COMP: variants seen among roughly 807,000 people sequenced by gnomAD.
COMP encodes cartilage oligomeric matrix protein.
Under a neutral mutation model 95.8 loss-of-function variants are expected in COMP, and 79 were observed. The observed-to-expected ratio is 0.82, with a 90% confidence interval of 0.69 to 0.99. COMP has a LOEUF of 0.99. Ranked by LOEUF, COMP falls within the 50% of genes least tolerant of loss-of-function variation. The pLI is 0.00. For missense variants in COMP, 906 were observed against 1,076.1 expected (o/e 0.84, Z 2.21); for synonymous variants, 438 against 433.9 (o/e 1.01, Z -0.12).
chr19:18,785,913 C>T, intron 13 of COMP, 52 bp downstream of exon 13: 1 of 1,600,282 alleles, frequency 6.2e-7, no homozygotes, highest in East Asian at 2.2e-5. Flanking sequence ...AGACCCCGCG[C>T]CAGGAGCCCC....
chr19:18,790,532 T>C (rs1231904527), intron 3 of COMP, 30 bp downstream of exon 3: 1 of 1,612,964 alleles, frequency 6.2e-7, no homozygotes, highest in East Asian at 2.2e-5. Flanking sequence ...TCCCGTCTCT[T>C]CTCTCTCCCG....
In COMP at chr19:18,787,388, A is replaced by AC; in HGVS notation, c.1135+102dup. On this transcript the variant is annotated intron_variant, in intron 10 of 18. Coordinates refer to ENST00000222271, the MANE Select transcript of COMP (RefSeq NM_000095.3). Reference sequence around the variant, plus strand: ...GGTCCAGGGCGCCCTAGTCCAGCTTACCCCATCCGGCTTCCAAAACCAGCC... The same window carrying AC: ...GGTCCAGGGCGCCCTAGTCCAGCTTACCCCCATCCGGCTTCCAAAACCAGCC... The AC allele has an allele frequency of 1.9e-6, 3 of 1,544,524 alleles. No homozygotes were observed. The South Asian group carries it at 3.4e-5, about 17-fold the overall frequency.
rs1466643646 is a variant in COMP, at chr19:18,783,056, T to A, written c.2225A>T (p.Asn742Ile). ...CGGCCCGCTGGCCCTCGGCTCACCA[T>A]TGCAGCGGTAACGCAGGTTGGCCCA... ...IIWANLRYRCNDTIPEDYETH... is the reference protein window; with the variant it reads ...IIWANLRYRCIDTIPEDYETH... Residue 742 changes from asparagine (N) to isoleucine (I), a missense_variant and splice_region_variant, in exon 18 of 19, where the codon AAT becomes ATT. Transcript: ENST00000222271. 1.2e-6 allele frequency: 2 copies of A among 1,612,280 alleles called. No homozygotes were observed. The highest frequency in any genetic ancestry group is 4.5e-5 in the East Asian group (2 of 44,886).
rs1350652048 is a variant in COMP, at chr19:18,783,325, G to A, written c.2088-132C>T. 23 of 1,307,172 alleles carry A rather than the reference G, an allele frequency of 1.8e-5. No homozygotes were observed. In the Admixed American group the frequency reaches 2.8e-4, roughly 16 times the overall value. 81.0% of individuals were successfully genotyped at this position (1,307,172 alleles called of 1,614,324 possible). ...GGGAGCAAGTGAGGCCTCTGCCTTG[G>A]GCCTCAGTTTCCTGGTGTGGTGGAC... On this transcript the variant is annotated intron_variant, in intron 17 of 18. Transcript: ENST00000222271.
chr19:18,790,917 T>C lies in COMP; in HGVS notation c.98A>G (p.Gln33Arg). 2 of 1,565,002 alleles carry C rather than the reference T, an allele frequency of 1.3e-6. No homozygotes were observed. The highest frequency in any genetic ancestry group is 1.7e-6 in the Non-Finnish European group (2 of 1,155,640). Residue 33 changes from glutamine to arginine, a missense_variant, in exon 2 of 19, where the codon CAG becomes CGG. Transcript: ENST00000222271. ...GGTTTCCTGCAGTTCCCGAAGCATC[T>C]GCGGGCCCAGGTCTGAGCCTGCGGC... is the stretch of plus-strand genomic sequence containing the variant. Reference protein sequence around the residue: ...QSPLGSDLGPQMLRELQETNA... With the variant: ...QSPLGSDLGPRMLRELQETNA...
At chr19:18,790,449 G>T in intron 3 of COMP, 113 bp downstream of exon 3, 2 of 1,354,210 alleles carry the variant, frequency 1.5e-6, no homozygotes, top group African/African-American at 1.4e-5. Context: ...CTCTCCGTCA[G>T]CCTCCATCTC....
Position 18,785,971 on chromosome 19 carries a change from C to A in COMP, c.1483G>T (p.Ala495Ser). 1 of 1,609,776 alleles carries A rather than the reference C, an allele frequency of 6.2e-7. No individual in the cohort carries two copies. Among genetic ancestry groups the A allele is most frequent in the Non-Finnish European group, 8.5e-7 (1 of 1,179,150 alleles). The stretch of plus-strand genomic sequence containing the variant: ...GGCCCCGCCCCCGCCGTACTGTCCG[C>A]GTCCTCCTGGCCGGGGTTAGGCACC... ...RLVPNPGQED[A>S]DRDGVGDVCQ... Residue 495 changes from alanine (A) to serine (S), a missense_variant, in exon 13 of 19, where the codon GCG (alanine) becomes TCG (serine). Coordinates refer to ENST00000222271, the MANE Select transcript of COMP (RefSeq NM_000095.3).
intron 2 of COMP, 94 bp from the exon 3 acceptor site, chr19:18,790,707 T>C: frequency 6.2e-7 from 1 of 1,611,904 alleles, no homozygotes; most frequent in Non-Finnish European, 8.5e-7. Context: ...CTACAGCCTC[T>C]TTTCGCCAAG....
intron 11 of COMP, 113 bp downstream of exon 11, chr19:18,786,419 G>T: frequency 5.2e-6 from 8 of 1,531,908 alleles, no homozygotes; most frequent in Middle Eastern, 1.7e-4. Flanking sequence ...TGCTCGGACC[G>T]AGAGGTCATT....
Position 18,788,256 on chromosome 19 carries a change from C to G in COMP, c.931G>C (p.Ala311Pro). ...EDVDRDGIGD[A>P]CDPDADGDGV... is the part of the protein sequence containing the mutation. Reference sequence around the variant, plus strand: ...TCCCCGTCGGCATCCGGATCGCAGGCGTCTCCGATGCCATCGCGGTCCACA... The same window carrying G: ...TCCCCGTCGGCATCCGGATCGCAGGGGTCTCCGATGCCATCGCGGTCCACA... Residue 311 changes from alanine to proline, a missense_variant, in exon 9 of 19, where the codon GCC (alanine) becomes CCC (proline). By Grantham distance (27) the Ala-to-Pro change is conservative. Transcript: ENST00000222271. The surrounding 1 kb of genome is among the most constrained non-coding windows in gnomAD (Gnocchi z 4.7). 2 of 1,613,270 alleles carry G rather than the reference C, an allele frequency of 1.2e-6. No individual in the cohort carries two copies. Among genetic ancestry groups the G allele is most frequent in the Non-Finnish European group, 1.7e-6 (2 of 1,180,026 alleles).
chr19:18,787,074 A>C (rs1017023354), intron 10 of COMP: 1 of 359,278 alleles, frequency 2.8e-6, no homozygotes, highest in Non-Finnish European at 5.2e-6. Flanking sequence ...TCCGGCCCAC[A>C]GGAACTTTAA....
At position 18,789,096 on chromosome 19, in the gene COMP, C is replaced by T; in HGVS notation, c.528+64G>A. 6.4e-7 allele frequency: 1 copy of T among 1,566,556 alleles called. No homozygotes were observed. Among genetic ancestry groups the T allele is most frequent in the Non-Finnish European group, 8.6e-7 (1 of 1,159,440 alleles). On this transcript the variant is annotated intron_variant, in intron 5 of 18. Transcript: ENST00000222271. This position sits in a 1 kb window ranked among gnomAD's most constrained non-coding sequence, Gnocchi z 6.1. Reference sequence around the variant, plus strand: ...GGAAGGAGGCTGGAAGAGGAGTTTACTGGTAAACAAAATGGACGCCCCCTT... The same window carrying T: ...GGAAGGAGGCTGGAAGAGGAGTTTATTGGTAAACAAAATGGACGCCCCCTT...
chr19:18,789,086 G>C lies in COMP; in HGVS notation c.528+74C>G. Reference sequence around the variant, plus strand: ...CCCTCCCGCTGGAAGGAGGCTGGAAGAGGAGTTTACTGGTAAACAAAATGG... The same window carrying C: ...CCCTCCCGCTGGAAGGAGGCTGGAACAGGAGTTTACTGGTAAACAAAATGG... On this transcript the variant is annotated intron_variant, in intron 5 of 18. Coordinates refer to ENST00000222271, the MANE Select transcript of COMP (RefSeq NM_000095.3). This position sits in a 1 kb window ranked among gnomAD's most constrained non-coding sequence, Gnocchi z 6.1. 6.4e-7 allele frequency: 1 copy of C among 1,564,238 alleles called. No individual in the cohort carries two copies.
At chr19:18,785,433 C>T in intron 15 of COMP, 65 bp downstream of exon 15, 21 of 1,601,038 alleles carry the variant, frequency 1.3e-5, no homozygotes, top group Non-Finnish European at 1.7e-5. Flanking sequence ...CCGGGCCTGC[C>T]CCTTCTCTGG....
intron 17 of COMP, among the ~76,000 whole-genome samples, chr19:18,783,766 C>T (rs868665434): frequency 1.3e-5 from 2 of 152,162 alleles, no homozygotes; most frequent in Admixed American, 1.3e-4. Flanking sequence ...CCCGCCACCA[C>T]ACCTGGCTAA....
At chr19:18,783,317 CT>C (rs1338714944) in intron 17 of COMP, 124 bp from the exon 18 acceptor site, 1 of 1,345,012 alleles carries the variant, frequency 7.4e-7, no homozygotes, top group East Asian at 2.5e-5. Flanking sequence ...AGTGAGGCCT[CT>C]GCCTTGGGCC....
rs1254602615 is a variant in COMP at position 18,788,535 on chromosome 19, G to A, written c.763-21C>T. ...GCACACTGTGGGAGAGTGTAAGTGGGTGCCCTGGAGTGGCCGCCACCCAAC... is the reference window on the plus strand; with the variant it reads ...GCACACTGTGGGAGAGTGTAAGTGGATGCCCTGGAGTGGCCGCCACCCAAC... On this transcript the variant is annotated intron_variant, in intron 7 of 18. Coordinates refer to ENST00000222271, the MANE Select transcript of COMP (RefSeq NM_000095.3). This position sits in a 1 kb window ranked among gnomAD's most constrained non-coding sequence, Gnocchi z 4.7. The A allele has an allele frequency of 6.4e-7, 1 of 1,569,250 alleles. No homozygotes were observed. Among genetic ancestry groups the A allele is most frequent in the Non-Finnish European group, 8.6e-7 (1 of 1,157,450 alleles).
rs201160345 is a variant in COMP, at chr19:18,785,471, A to G, written c.1717+27T>C. 1.7e-3 allele frequency: 2,680 copies of G among 1,611,356 alleles called. 5 individuals carry two copies. The highest frequency in any genetic ancestry group is 2.0e-3 in the Non-Finnish European group (2,405 of 1,179,792). On this transcript the variant is annotated intron_variant, in intron 15 of 18. Transcript: ENST00000222271. ...CCTCTCCCTGAGCCCGCTCCGTGGCAGGATAGCGCTGCTCCCCGCTTCTCA... is the reference window on the plus strand; with the variant it reads ...CCTCTCCCTGAGCCCGCTCCGTGGCGGGATAGCGCTGCTCCCCGCTTCTCA...
At chr19:18,785,420 A>C (rs1601052739) in intron 15 of COMP, 78 bp downstream of exon 15, 4 of 1,498,672 alleles carry the variant, frequency 2.7e-6, no homozygotes, top group Non-Finnish European at 1.8e-6. Flanking sequence ...GCCCATTCTC[A>C]GCCCGGGCCT....
Sources: gnomAD v4.1 joint callset for allele counts (sites outside exome capture counted in the v4.1 genomes callset) on GRCh38, gnomAD v4.1.1 for gene constraint, Gnocchi (gnomAD v3.1) non-coding constraint, MANE v1.5 for transcripts, NCBI Gene and HGNC (gene_info 2026-07-23, HGNC 2026-07-21) for gene names.